The following SEMA6D variants were observed in gnomAD, a reference collection of about 807,000 sequenced individuals.
SEMA6D encodes semaphorin-6D.
Under a neutral mutation model 106.6 loss-of-function variants are expected in SEMA6D, and 35 were observed. The ratio of observed to expected loss-of-function variants is 0.33; its 90% CI spans 0.25 to 0.44. The LOEUF is 0.44. Ranked by LOEUF, SEMA6D falls within the 20% of genes least tolerant of loss-of-function variation. SEMA6D has a pLI of 1.00. For synonymous variants in SEMA6D, 499 were observed against 487.7 expected (o/e 1.02, Z -0.31); for missense variants, 1,185 against 1,345.9 (o/e 0.88, Z 1.87).
At chr15:47,670,773 G>T (rs2078121263) in intron 4 of SEMA6D, among the ~76,000 whole-genome samples, 1 of 152,166 alleles carries the variant, frequency 6.6e-6, no homozygotes, top group Non-Finnish European at 1.5e-5. Context: ...CCCAAGTCCA[G>T]TGGGAATTTT....
At chr15:47,742,410 G>A (rs1002249778) in intron 1 of SEMA6D, among the ~76,000 whole-genome samples, 4 of 152,244 alleles carry the variant, frequency 2.6e-5, no homozygotes, top group Middle Eastern at 3.4e-3. Context: ...GCACGGGAGG[G>A]ATCCCTCCTG....
chr15:47,725,194 G>A (rs369605060), intron 1 of SEMA6D, among the ~76,000 whole-genome samples: 2 of 152,336 alleles, frequency 1.3e-5, no homozygotes, highest in East Asian at 3.9e-4. Context: ...TCTAGGTGCT[G>A]CTTAGACTGC....
At position 47,317,363 on chromosome 15, in the gene SEMA6D, A is replaced by C. The variant is rs553449434; in HGVS notation, c.-238-95030A>C. Among the ~76,000 whole-genome samples the C allele has an allele frequency of 2.6e-5, 4 of 152,276 alleles. No homozygotes were observed. In the East Asian group the frequency reaches 7.7e-4, roughly 29 times the overall value. ...TTTTTACTGATCTTTTCAAAGAACTAGCATTTTGTTTTGTTTTCTGTTGCC... is the reference window on the plus strand; with the variant it reads ...TTTTTACTGATCTTTTCAAAGAACTCGCATTTTGTTTTGTTTTCTGTTGCC... On this transcript the variant is annotated intron_variant, in intron 1 of 19. Transcript: ENST00000558014.
At chr15:47,766,505 C>A in intron 15 of SEMA6D, 111 bp from the exon 16 acceptor site, 3 of 845,582 alleles carry the variant, frequency 3.5e-6, no homozygotes, top group African/African-American at 1.8e-5. Context: ...TTTTTTTTCT[C>A]TCTCTGCCCA....
chr15:47,765,737 T>A, intron 13 of SEMA6D, 132 bp from the exon 14 acceptor site: 1 of 812,108 alleles, frequency 1.2e-6, no homozygotes, highest in Non-Finnish European at 1.7e-6. Context: ...TAATTATTAT[T>A]TCCCAAGCTA....
At chr15:47,746,607 C>T (rs976223165) in intron 1 of SEMA6D, among the ~76,000 whole-genome samples, 5 of 152,282 alleles carry the variant, frequency 3.3e-5, no homozygotes, top group East Asian at 1.9e-4. Context: ...TTCTGTCATC[C>T]GAGCCCAAAG....
chr15:47,418,646 T>A (rs569735699), intron 2 of SEMA6D, among the ~76,000 whole-genome samples: 12 of 152,040 alleles, frequency 7.9e-5, no homozygotes, highest in African/African-American at 1.7e-4. Context: ...AACATAAGGA[T>A]TTTGGCGGAA....
chr15:47,218,881 C>A (rs1025671854), intron 1 of SEMA6D, among the ~76,000 whole-genome samples: 1 of 152,166 alleles, frequency 6.6e-6, no homozygotes. Context: ...GGTCATGTAG[C>A]TTGTTAAGTG....
At chr15:47,562,528 C>T (rs2046110552) in intron 3 of SEMA6D, among the ~76,000 whole-genome samples, 1 of 152,006 alleles carries the variant, frequency 6.6e-6, no homozygotes, top group African/African-American at 2.4e-5. Flanking sequence ...ATTTGCAAAT[C>T]ATATATCTGG....
chr15:47,378,094 T>A (rs1417979343), intron 1 of SEMA6D, among the ~76,000 whole-genome samples: 1 of 152,164 alleles, frequency 6.6e-6, no homozygotes, highest in Non-Finnish European at 1.5e-5. Context: ...ATTCTCTCCT[T>A]TATAGAAGCA....
chr15:47,412,123 ATTAT>A (rs2040819380), intron 1 of SEMA6D, among the ~76,000 whole-genome samples: 1 of 151,982 alleles, frequency 6.6e-6, no homozygotes, highest in African/African-American at 2.4e-5. Flanking sequence ...GCAGTGTACC[ATTAT>A]TTGTCCTGCT....
intron 1 of SEMA6D, among the ~76,000 whole-genome samples, chr15:47,389,187 A>C (rs8033799): frequency 0.22 from 33,124 of 151,902 alleles, 3,847 homozygotes; most frequent in Middle Eastern, 0.34. Context: ...AAATGGGAAT[A>C]GTATTCGTCT....
At chr15:47,440,068 G>A (rs2041835941) in intron 2 of SEMA6D, among the ~76,000 whole-genome samples, 2 of 152,092 alleles carry the variant, frequency 1.3e-5, no homozygotes, top group African/African-American at 4.8e-5. Context: ...GAACTTGGGA[G>A]AGCAAAAAGA....
chr15:47,317,517 A>G (rs28787043), intron 1 of SEMA6D, among the ~76,000 whole-genome samples: 65,939 of 151,932 alleles, frequency 0.43, 16,645 homozygotes, highest in Non-Finnish European at 0.56. Context: ...TACTCTGAAG[A>G]ACTTTTAGCA....
intron 4 of SEMA6D, among the ~76,000 whole-genome samples, chr15:47,642,714 G>C (rs918753944): frequency 2.6e-5 from 4 of 152,130 alleles, no homozygotes; most frequent in African/African-American, 4.8e-5. Flanking sequence ...ATCACTTCTG[G>C]GGGGACAGGA....
chr15:47,206,353 G>GAGAGAACCC (rs1340654994), intron 1 of SEMA6D, among the ~76,000 whole-genome samples: 6 of 152,162 alleles, frequency 3.9e-5, no homozygotes, highest in African/African-American at 1.4e-4. Context: ...TTTTACAGAT[G>GAGAGAACCC]AGAGAACCCT....
chr15:47,460,352 G>A (rs1289056703), intron 2 of SEMA6D, among the ~76,000 whole-genome samples: 1 of 152,008 alleles, frequency 6.6e-6, no homozygotes, highest in Admixed American at 6.6e-5. Context: ...CAACAAGAAG[G>A]GGCAAATCAT....
rs370775570 is a variant in SEMA6D at position 47,404,972 on chromosome 15, A to G, written c.-238-7421A>G. ...AGATGTGTGCAAGGTGTCATGAGAA[A>G]GTCTTCACCTCACCGCCGGTCAAGT... On this transcript the variant is annotated intron_variant, in intron 1 of 19. Transcript: ENST00000558014. 1.6e-4 allele frequency among the ~76,000 whole-genome samples: 24 copies of G among 152,236 alleles called. No homozygotes were observed. In the East Asian group the frequency reaches 4.3e-3, roughly 27 times the overall value.
At chr15:47,734,892 A>G (rs988762057) in intron 1 of SEMA6D, among the ~76,000 whole-genome samples, 1 of 152,204 alleles carries the variant, frequency 6.6e-6, no homozygotes, top group African/African-American at 2.4e-5. Context: ...ACTTCTAGCC[A>G]AGGCCTACAT....
Sources: gnomAD v4.1 joint callset for allele counts (sites outside exome capture counted in the v4.1 genomes callset) on GRCh38, gnomAD v4.1.1 for gene constraint, MANE v1.5 for transcripts, NCBI Gene and HGNC (gene_info 2026-07-23, HGNC 2026-07-21) for gene names.